DNMT3B: variants seen among roughly 807,000 people sequenced by gnomAD.
The protein encoded by DNMT3B is DNA (cytosine-5)-methyltransferase 3B.
DNMT3B carries 37 observed loss-of-function variants against 120.2 expected under a neutral mutation model. The observed-to-expected ratio is 0.31, with a 90% confidence interval of 0.24 to 0.40. The LOEUF is 0.40. DNMT3B is among the 10% of genes least tolerant of loss of function. DNMT3B has a pLI of 1.00. For synonymous variants in DNMT3B, 412 were observed against 442.8 expected (o/e 0.93, Z 0.87); for missense variants, 878 against 1,137.3 (o/e 0.77, Z 3.28).
At chr20:32,799,684 A>G (rs572379669) in intron 16 of DNMT3B, among the ~76,000 whole-genome samples, 1 of 151,988 alleles carries the variant, frequency 6.6e-6, no homozygotes, top group Non-Finnish European at 1.5e-5. Flanking sequence ...CGCCCAGCTA[A>G]TTTTTATATT....
intron 8 of DNMT3B, 90 bp from the exon 9 acceptor site, chr20:32,792,536 A>C: frequency 2.5e-6 from 4 of 1,604,674 alleles, no homozygotes; most frequent in Non-Finnish European, 3.4e-6. Flanking sequence ...GTGAAGGGGA[A>C]TGTAGGCCCT....
In DNMT3B at chr20:32,808,627, C is replaced by CT. The variant is rs1436727555; in HGVS notation, c.*725dup. The stretch of plus-strand genomic sequence containing the variant: ...GCAGGGGCCACTCTTAGCTAAATCC[C>CT]TCCCCGTGACTGCAATAGAACCCTC... On this transcript the variant is annotated 3_prime_UTR_variant, in exon 23 of 23. Transcript: ENST00000328111. The CT allele has an allele frequency of 2.8e-4, 65 of 230,744 alleles. 1 individual carries two copies. In the Admixed American group the frequency reaches 3.7e-3, roughly 13 times the overall value. The allele number at this position is 230,744 out of a possible 1,614,324, so 14.3% of individuals were successfully genotyped here.
At chr20:32,781,302 C>A in intron 2 of DNMT3B, 51 bp from the exon 3 acceptor site, 1 of 1,604,040 alleles carries the variant, frequency 6.2e-7, no homozygotes, top group Non-Finnish European at 8.5e-7. Flanking sequence ...GGCCGTTCCC[C>A]AGACTGGTGC....
intron 5 of DNMT3B, 59 bp from the exon 6 acceptor site, chr20:32,787,171 G>T: frequency 6.2e-7 from 1 of 1,601,536 alleles, no homozygotes; most frequent in South Asian, 1.1e-5. Context: ...GGGTGCCGTT[G>T]GTCTCTGGTC....
At chr20:32,805,288 A>G (rs764516014) in intron 20 of DNMT3B, 50 bp from the exon 21 acceptor site, 5 of 1,611,358 alleles carry the variant, frequency 3.1e-6, no homozygotes, top group Non-Finnish European at 3.4e-6. Context: ...TGTGCCTAGC[A>G]GAGGACCCTC....
rs1308214564 is a variant in DNMT3B at position 32,792,485 on chromosome 20, C to T, written c.922-141C>T. 4 of 1,424,534 alleles carry T rather than the reference C, an allele frequency of 2.8e-6. No homozygotes were observed. The East Asian group carries it at 9.4e-5, about 34-fold the overall frequency. The allele number at this position is 1,424,534 out of a possible 1,614,324, so 88.2% of individuals were successfully genotyped here. On this transcript the variant is annotated intron_variant, in intron 8 of 22. Coordinates refer to ENST00000328111, the MANE Select transcript of DNMT3B (RefSeq NM_006892.4). ...AGGCCCCTCCTTCCTCTGTCACATA[C>T]CACAGCCCAGGACAGCTGTCTGGCT...
rs140902615 is a variant in DNMT3B, at chr20:32,777,068, G to A, written c.-6-3250G>A. Among the ~76,000 whole-genome samples, 87 of 152,300 alleles carry A rather than the reference G, an allele frequency of 5.7e-4. 1 individual carries two copies. Among genetic ancestry groups the A allele is most frequent in the African/African-American group, 2.0e-3 (85 of 41,558 alleles). On this transcript the variant is annotated intron_variant, in intron 1 of 22. Coordinates refer to ENST00000328111, the MANE Select transcript of DNMT3B (RefSeq NM_006892.4). Reference sequence around the variant, plus strand: ...AATTTCACTACAAACGTAGGGTCGTGATAAAAACAGAAGGAATTTTAAATG... The same window carrying A: ...AATTTCACTACAAACGTAGGGTCGTAATAAAAACAGAAGGAATTTTAAATG...
Position 32,801,034 on chromosome 20 carries a change from A to C in DNMT3B, c.1996+109A>C, listed in dbSNP as rs1274274147. On this transcript the variant is annotated intron_variant, in intron 18 of 22. Transcript: ENST00000328111. ...ACTTGCTTCTGGCCAAGTTACTGGC[A>C]GCATCAGGGGCCTGTTGGTGCTGCC... 5.1e-6 allele frequency: 7 copies of C among 1,377,672 alleles called. No individual in the cohort carries two copies. In the Admixed American group the frequency reaches 1.0e-4, roughly 20 times the overall value. The allele number at this position is 1,377,672 out of a possible 1,614,324, so 85.3% of individuals were successfully genotyped here. A position where few individuals can be genotyped will look rare whatever the true frequency, so the allele number is the denominator to read the frequency against.
intron 22 of DNMT3B, among the ~76,000 whole-genome samples, chr20:32,806,810 C>T (rs569978226): frequency 2.2e-5 from 3 of 138,320 alleles, no homozygotes; most frequent in East Asian, 5.2e-4. Flanking sequence ...TCTTTCACTC[C>T]TCTATTGTTT....
chr20:32,769,029 AT>A (rs963812756), intron 1 of DNMT3B, among the ~76,000 whole-genome samples: 1 of 152,178 alleles, frequency 6.6e-6, no homozygotes, highest in South Asian at 2.1e-4. Flanking sequence ...ACTAAATATG[AT>A]TGTTACTACA....
intron 1 of DNMT3B, chr20:32,779,839 T>C: frequency 1.8e-6 from 1 of 571,104 alleles, no homozygotes; most frequent in Non-Finnish European, 3.1e-6. Flanking sequence ...GAAGAGGACC[T>C]GGAGATTGAG....
At chr20:32,786,683 C>T in intron 5 of DNMT3B, 56 bp downstream of exon 5, 1 of 1,610,932 alleles carries the variant, frequency 6.2e-7, no homozygotes. Flanking sequence ...GGAGATATGC[C>T]TCACTCACTG....
rs144487809 is a variant in DNMT3B, at chr20:32,800,690, C to T, written c.1906-145C>T. 5.0e-3 allele frequency: 4,557 copies of T among 904,398 alleles called. 116 individuals are homozygous for T. The African/African-American group carries it at 0.062, about 12-fold the overall frequency. 56.0% of individuals were successfully genotyped at this position (904,398 alleles called of 1,614,324 possible). A position where few individuals can be genotyped will look rare whatever the true frequency, so the allele number is the denominator to read the frequency against. ...GCCAAGCTGGTCTCGAACTCCTGACCTCAGGTAATCCACCCCCGCCGTCAG... is the reference window on the plus strand; with the variant it reads ...GCCAAGCTGGTCTCGAACTCCTGACTTCAGGTAATCCACCCCCGCCGTCAG... On this transcript the variant is annotated intron_variant, in intron 17 of 22. Coordinates refer to ENST00000328111, the MANE Select transcript of DNMT3B (RefSeq NM_006892.4).
chr20:32,775,813 T>A (rs1988039353), intron 1 of DNMT3B, among the ~76,000 whole-genome samples: 1 of 152,260 alleles, frequency 6.6e-6, no homozygotes, highest in African/African-American at 2.4e-5. Flanking sequence ...TTACGGCAAT[T>A]CCAGGCACGT....
At chr20:32,789,884 G>A (rs953025205) in intron 7 of DNMT3B, among the ~76,000 whole-genome samples, 3 of 152,174 alleles carry the variant, frequency 2.0e-5, no homozygotes, top group East Asian at 3.9e-4. Context: ...GAGCCACCAC[G>A]CCTGGCCTCA....
At chr20:32,801,534 C>A in intron 19 of DNMT3B, 108 bp downstream of exon 19, 1 of 1,445,054 alleles carries the variant, frequency 6.9e-7, no homozygotes. Context: ...CTTTCCCGTT[C>A]TTGGTCTGGC....
chr20:32,776,987 C>T (rs1402259450), intron 1 of DNMT3B, among the ~76,000 whole-genome samples: 1 of 152,102 alleles, frequency 6.6e-6, no homozygotes, highest in East Asian at 1.9e-4. Context: ...GGTGCAGGTT[C>T]TGAAGTTGGT....
intron 20 of DNMT3B, among the ~76,000 whole-genome samples, chr20:32,804,684 CTTTTTTTTTTTT>C (rs537765800): frequency 8.0e-5 from 9 of 112,670 alleles, no homozygotes; most frequent in East Asian, 2.8e-4. Flanking sequence ...GGTGCTTAGT[CTTTTTTTTTTTT>C]TTTTTTTTTG....
At chr20:32,794,566 A>G (rs1458403463) in intron 10 of DNMT3B, among the ~76,000 whole-genome samples, 2 of 151,810 alleles carry the variant, frequency 1.3e-5, no homozygotes, top group Non-Finnish European at 1.5e-5. Flanking sequence ...TAACAGGCTG[A>G]GGCAGGAGAA....
Sources: allele counts gnomAD v4.1 joint callset (sites outside exome capture counted in the v4.1 genomes callset), GRCh38; gene constraint gnomAD v4.1.1; transcripts MANE v1.5; gene names NCBI Gene and HGNC (gene_info 2026-07-23, HGNC 2026-07-21).